The following PIK3CB variants were observed in gnomAD, a reference collection of about 807,000 sequenced individuals.
The protein encoded by PIK3CB is phosphatidylinositol 4,5-bisphosphate 3-kinase catalytic subunit beta isoform.
In PIK3CB, 39 loss-of-function variants were observed where a neutral mutation model predicts 136.8. The observed-to-expected ratio is 0.29, with a 90% CI of 0.22 to 0.37. The LOEUF (loss-of-function observed/expected upper bound fraction) is 0.37, where lower values mean the gene tolerates loss of function less well. Among genes scored for constraint, PIK3CB ranks in the 10% least tolerant of loss-of-function variants. The probability of loss-of-function intolerance (pLI) is 1.00; values close to 1 mark genes in which losing one functional copy is unlikely to be tolerated. For missense variants in PIK3CB, 868 were observed against 1,275.4 expected (o/e 0.68, Z 4.87); for synonymous variants, 428 against 436.6 (o/e 0.98, Z 0.25).
intron 1 of PIK3CB, among the ~76,000 whole-genome samples, chr3:138,807,067 T>A (rs951141760): frequency 1.3e-5 from 2 of 152,206 alleles, no homozygotes; most frequent in African/African-American, 2.4e-5. Flanking sequence ...TTTGCCTTCA[T>A]TGTTTCTGGT....
At chr3:138,809,240 T>C (rs966631215) in intron 1 of PIK3CB, among the ~76,000 whole-genome samples, 33 of 151,756 alleles carry the variant, frequency 2.2e-4, no homozygotes, top group Middle Eastern at 6.4e-3. Context: ...ACTGCGCCAC[T>C]GCACTCCAGC....
At chr3:138,779,408 T>TTTTG (rs2045898808) in intron 2 of PIK3CB, among the ~76,000 whole-genome samples, 1 of 148,478 alleles carries the variant, frequency 6.7e-6, no homozygotes, top group Non-Finnish European at 1.5e-5. Context: ...TTTTTTTTTT[T>TTTTG]GAGACAGGCT....
At chr3:138,780,539 G>T (rs931642817) in intron 2 of PIK3CB, among the ~76,000 whole-genome samples, 3 of 152,182 alleles carry the variant, frequency 2.0e-5, no homozygotes, top group African/African-American at 4.8e-5. Flanking sequence ...AAAGTGCTAG[G>T]ATTACAGGTG....
At chr3:138,785,825 T>TA (rs1039124528) in intron 2 of PIK3CB, among the ~76,000 whole-genome samples, 3,854 of 117,126 alleles carry the variant, frequency 0.033, 65 homozygotes, top group Non-Finnish European at 0.038. Context: ...AATAAATACT[T>TA]AAAAAAAAAA....
chr3:138,732,146 A>G (rs1442152240), intron 8 of PIK3CB, among the ~76,000 whole-genome samples: 1 of 152,222 alleles, frequency 6.6e-6, no homozygotes, highest in East Asian at 1.9e-4. Context: ...GTAAATCAAC[A>G]TATCCATTAC....
chr3:138,791,472 C>G (rs2046047077), intron 2 of PIK3CB, among the ~76,000 whole-genome samples: 2 of 152,116 alleles, frequency 1.3e-5, no homozygotes, highest in Admixed American at 1.3e-4. Flanking sequence ...CACCTCTCAG[C>G]CACAGCTTGA....
At chr3:138,759,450 T>C in intron 2 of PIK3CB, 91 bp from the exon 3 acceptor site, 1 of 801,860 alleles carries the variant, frequency 1.2e-6, no homozygotes, top group Non-Finnish European at 1.9e-6. Context: ...CAATTAGTCC[T>C]TAGATTTCAA....
intron 19 of PIK3CB, among the ~76,000 whole-genome samples, chr3:138,674,273 T>C (rs1382562606): frequency 6.6e-6 from 1 of 151,932 alleles, no homozygotes; most frequent in African/African-American, 2.4e-5. Context: ...CTTTGAGGCT[T>C]TGTGAAAGCA....
At chr3:138,747,857 TG>T (rs2045392695) in intron 4 of PIK3CB, among the ~76,000 whole-genome samples, 2 of 152,204 alleles carry the variant, frequency 1.3e-5, no homozygotes, top group East Asian at 3.8e-4. Flanking sequence ...TGCTGAAGGA[TG>T]GGTTGTACTT....
chr3:138,733,831 T>C (rs551177708), intron 7 of PIK3CB, among the ~76,000 whole-genome samples: 2 of 152,212 alleles, frequency 1.3e-5, no homozygotes, highest in African/African-American at 4.8e-5. Flanking sequence ...TGAGCCAAGA[T>C]TGCGCCACTG....
intron 13 of PIK3CB, 33 bp from the exon 14 acceptor site, chr3:138,694,940 TG>T: frequency 6.3e-7 from 1 of 1,581,642 alleles, no homozygotes; most frequent in Non-Finnish European, 8.6e-7. Flanking sequence ...TCAGAAATAA[TG>T]GGGGACAAAA....
chr3:138,753,681 C>T (rs2045513751), intron 4 of PIK3CB, among the ~76,000 whole-genome samples: 1 of 151,764 alleles, frequency 6.6e-6, no homozygotes, highest in Admixed American at 6.6e-5. Flanking sequence ...TGGCATATGC[C>T]TGTGGTCTCA....
chr3:138,788,992 A>C (rs1169947844), intron 2 of PIK3CB, among the ~76,000 whole-genome samples: 8 of 138,474 alleles, frequency 5.8e-5, no homozygotes, highest in Non-Finnish European at 1.2e-4. Context: ...AAAAAAAAAA[A>C]CAAAAAACAA....
chr3:138,737,713 C>T lies in PIK3CB; in HGVS notation c.795G>A (p.Gln265=), dbSNP rs1485476891. The change falls in exon 6 of 24, where the codon CAG becomes CAA. Residue 265 remains glutamine, a synonymous_variant. Transcript: ENST00000674063. ...EYVFGDHPLI[Q]FQYIRNCVMN... ...TAATAGTTAATATACATACCTGGAA[C>T]TGAATTAGTGGATGATCACCAAAAA... is the stretch of plus-strand genomic sequence containing the variant. 25 of 1,585,948 alleles carry T rather than the reference C, an allele frequency of 1.6e-5. No individual in the cohort carries two copies. Among genetic ancestry groups the T allele is most frequent in the Non-Finnish European group, 2.2e-5 (25 of 1,162,148 alleles).
At chr3:138,691,250 T>C in intron 14 of PIK3CB, 107 bp from the exon 15 acceptor site, 2 of 1,021,314 alleles carry the variant, frequency 2.0e-6, no homozygotes, top group East Asian at 2.4e-5. Context: ...AATGGTTCTT[T>C]TGGGCCAGGC....
At chr3:138,762,089 A>C (rs1024447177) in intron 2 of PIK3CB, among the ~76,000 whole-genome samples, 6 of 151,736 alleles carry the variant, frequency 4.0e-5, no homozygotes, top group Non-Finnish European at 8.8e-5. Context: ...TCTACTAAAA[A>C]TACAAAAAAA....
At chr3:138,663,067 A>C (rs974612659) in intron 21 of PIK3CB, among the ~76,000 whole-genome samples, 6 of 152,156 alleles carry the variant, frequency 3.9e-5, no homozygotes, top group Admixed American at 6.5e-5. Context: ...ATGGGATCTA[A>C]TTAAACTAAA....
chr3:138,820,672 T>C (rs1218237135), intron 1 of PIK3CB, among the ~76,000 whole-genome samples: 1 of 152,068 alleles, frequency 6.6e-6, no homozygotes, highest in African/African-American at 2.4e-5. Context: ...TTTTGTACTT[T>C]TATTAGAGAC....
chr3:138,736,586 T>A (rs948097012), intron 6 of PIK3CB, among the ~76,000 whole-genome samples: 5 of 152,188 alleles, frequency 3.3e-5, no homozygotes, highest in Admixed American at 6.5e-5. Context: ...TCAAGTTACT[T>A]GAAGGCAAAG....
Sources: allele counts gnomAD v4.1 joint callset (sites outside exome capture counted in the v4.1 genomes callset), GRCh38; gene constraint gnomAD v4.1.1; transcripts MANE v1.5; gene names NCBI Gene and HGNC (gene_info 2026-07-23, HGNC 2026-07-21).